The following DNAJC6 variants were observed in gnomAD, a reference collection of about 807,000 sequenced individuals.
The protein encoded by DNAJC6 is auxilin.
Under a neutral mutation model 110.0 loss-of-function variants are expected in DNAJC6, and 34 were observed. The observed-to-expected ratio is 0.31, with a 90% CI of 0.24 to 0.41. The LOEUF is 0.41. Among genes scored for constraint, DNAJC6 ranks in the 10% least tolerant of loss-of-function variants. The pLI is 1.00. For missense variants in DNAJC6, 1,031 were observed against 1,207.8 expected (o/e 0.85, Z 2.17); for synonymous variants, 406 against 437.2 (o/e 0.93, Z 0.89).
At position 65,414,242 on chromosome 1, in the gene DNAJC6, T is replaced by A. The variant is rs550844421; in HGVS notation, c.*1217T>A. ...GACATTTGTGAAAGCAAAGCAAGAATGAATGCTTTCCCGATCTCAGACTGG... is the reference window on the plus strand; with the variant it reads ...GACATTTGTGAAAGCAAAGCAAGAAAGAATGCTTTCCCGATCTCAGACTGG... On this transcript the variant is annotated 3_prime_UTR_variant, in exon 19 of 19. Coordinates refer to ENST00000371069, the MANE Select transcript of DNAJC6 (RefSeq NM_001256864.2). 1 of 152,462 alleles carries A rather than the reference T, an allele frequency of 6.6e-6. No homozygotes were observed. The highest frequency in any genetic ancestry group is 2.1e-4 in the South Asian group (1 of 4,832). 9.4% of individuals were successfully genotyped at this position (152,462 alleles called of 1,614,324 possible).
intron 1 of DNAJC6, chr1:65,264,946 T>G: frequency 6.2e-7 from 1 of 1,611,772 alleles, no homozygotes. Flanking sequence ...AGGGGCGGAC[T>G]GCAGAAAGAT....
At chr1:65,270,897 A>G (rs1653482291) in intron 1 of DNAJC6, among the ~76,000 whole-genome samples, 1 of 152,018 alleles carries the variant, frequency 6.6e-6, no homozygotes. Flanking sequence ...CAGGCTGGTC[A>G]CCAACTCCTG....
At chr1:65,351,809 A>T (rs1645492180) in intron 1 of DNAJC6, among the ~76,000 whole-genome samples, 1 of 152,154 alleles carries the variant, frequency 6.6e-6, no homozygotes, top group Non-Finnish European at 1.5e-5. Flanking sequence ...CTTGTTGCCC[A>T]GGCTGGAGTG....
At chr1:65,345,798 C>A in intron 1 of DNAJC6, 1 of 442,878 alleles carries the variant, frequency 2.3e-6, no homozygotes, top group Non-Finnish European at 3.0e-6. Context: ...GGTTGGCTAC[C>A]ATGTCTGGCC....
At chr1:65,405,643 G>A (rs1172261618) in intron 15 of DNAJC6, among the ~76,000 whole-genome samples, 1 of 152,046 alleles carries the variant, frequency 6.6e-6, no homozygotes, top group African/African-American at 2.4e-5. Context: ...CCTGCAGTTT[G>A]TTCATCTGAA....
At chr1:65,384,038 T>C (rs1645847217) in intron 5 of DNAJC6, 155 bp from the exon 6 acceptor site, 1 of 809,142 alleles carries the variant, frequency 1.2e-6, no homozygotes, top group Admixed American at 3.6e-5. Context: ...CTGAAACAAA[T>C]TTTGGTTTTC....
chr1:65,296,613 A>C (rs951749207), intron 1 of DNAJC6, among the ~76,000 whole-genome samples: 2 of 114,104 alleles, frequency 1.8e-5, no homozygotes, highest in Admixed American at 1.2e-4. Flanking sequence ...TTTGAGACGG[A>C]GTCTAGCTCT....
rs151154168 is a variant in DNAJC6 at position 65,380,920 on chromosome 1, TG to T, written c.666+1397del. On this transcript the variant is annotated intron_variant, in intron 5 of 18. Transcript: ENST00000371069. ...TTTTTTTTTGTTTTTTGTTTTGTTTTGTTTTTTTTTTTTTTTTGGGACCGAG... is the reference window on the plus strand; with the variant it reads ...TTTTTTTTTGTTTTTTGTTTTGTTTTTTTTTTTTTTTTTTTTGGGACCGAG... Among the ~76,000 whole-genome samples, 592 of 129,360 alleles carry T rather than the reference TG, an allele frequency of 4.6e-3. 81 individuals carry two copies. Among genetic ancestry groups the T allele is most frequent in the African/African-American group, 0.02 (555 of 27,096 alleles). The allele number at this position is 129,360 out of a possible 152,430, so 84.9% of individuals were successfully genotyped here.
At chr1:65,321,519 A>AT (rs962539430) in intron 1 of DNAJC6, among the ~76,000 whole-genome samples, 11 of 151,626 alleles carry the variant, frequency 7.3e-5, no homozygotes, top group East Asian at 1.9e-4. Context: ...TTTAAAGACG[A>AT]TTTTTTTTTA....
chr1:65,381,947 A>G (rs1386743985), intron 5 of DNAJC6, among the ~76,000 whole-genome samples: 1 of 152,208 alleles, frequency 6.6e-6, no homozygotes, highest in Non-Finnish European at 1.5e-5. Context: ...AAATTATGTG[A>G]CACAATACCG....
At chr1:65,332,165 G>A (rs1645294731) in intron 1 of DNAJC6, among the ~76,000 whole-genome samples, 1 of 152,096 alleles carries the variant, frequency 6.6e-6, no homozygotes. Flanking sequence ...TATAAATATG[G>A]CAGATGGATT....
intron 5 of DNAJC6, among the ~76,000 whole-genome samples, chr1:65,383,701 T>C (rs1645844212): frequency 6.6e-6 from 1 of 152,206 alleles, no homozygotes; most frequent in African/African-American, 2.4e-5. Context: ...TTCTGGGGCA[T>C]ACAAACATTC....
intron 1 of DNAJC6, among the ~76,000 whole-genome samples, chr1:65,310,587 C>T (rs1235643054): frequency 6.6e-6 from 1 of 152,062 alleles, no homozygotes; most frequent in Non-Finnish European, 1.5e-5. Flanking sequence ...TGTCCTTTTG[C>T]TTGAGTGTAC....
chr1:65,384,678 TG>T (rs374751021), intron 6 of DNAJC6, among the ~76,000 whole-genome samples: 31 of 152,236 alleles, frequency 2.0e-4, no homozygotes, highest in African/African-American at 7.2e-4. Context: ...GAGAACAGCA[TG>T]GGAAAACCCG....
At chr1:65,279,760 C>T (rs1039011047) in intron 1 of DNAJC6, 12 of 152,200 alleles carry the variant, frequency 7.9e-5, no homozygotes, top group African/African-American at 2.9e-4. Flanking sequence ...CTTCCTCTGA[C>T]TCTAGGTCTC....
Position 65,333,101 on chromosome 1 carries a change from A to T in DNAJC6, c.193+23163A>T, listed in dbSNP as rs1450357969. On this transcript the variant is annotated intron_variant, in intron 1 of 18. Coordinates refer to ENST00000371069, the MANE Select transcript of DNAJC6 (RefSeq NM_001256864.2). ...TTTGGGCATTTGGGTTCTCAATCTA[A>T]TGTTAATTCACCTGCTCATATTAAG... is the stretch of plus-strand genomic sequence containing the variant. 2.0e-5 allele frequency among the ~76,000 whole-genome samples: 3 copies of T among 152,312 alleles called. No homozygotes were observed. The East Asian group carries it at 5.8e-4, about 29-fold the overall frequency.
intron 4 of DNAJC6, among the ~76,000 whole-genome samples, chr1:65,370,330 T>G (rs1645693600): frequency 6.6e-6 from 1 of 152,198 alleles, no homozygotes; most frequent in South Asian, 2.1e-4. Flanking sequence ...TTCCCAATGT[T>G]GCATAACCAA....
intron 1 of DNAJC6, among the ~76,000 whole-genome samples, chr1:65,336,746 C>T (rs1300608552): frequency 7.9e-5 from 12 of 152,090 alleles, no homozygotes; most frequent in African/African-American, 1.9e-4. Flanking sequence ...AGAACCTGCT[C>T]AATCAGTCAA....
intron 1 of DNAJC6, among the ~76,000 whole-genome samples, chr1:65,291,055 G>A (rs4916037): frequency 0.7 from 107,195 of 152,192 alleles, 39,345 homozygotes; most frequent in African/African-American, 0.92. Context: ...TTTGTTTGAA[G>A]TGGAGTCTTA....
Sources: allele counts gnomAD v4.1 joint callset (sites outside exome capture counted in the v4.1 genomes callset), GRCh38; gene constraint gnomAD v4.1.1; transcripts MANE v1.5; gene names NCBI Gene and HGNC (gene_info 2026-07-23, HGNC 2026-07-21).